The following PMS1 variants were observed in gnomAD, a reference collection of about 807,000 sequenced individuals.
The protein encoded by PMS1 is PMS1 homolog 1, mismatch repair system component.
A neutral mutation model predicts 93.1 loss-of-function variants in PMS1; 79 were observed. The ratio of observed to expected loss-of-function variants is 0.85; its 90% CI spans 0.71 to 1.02. The LOEUF (loss-of-function observed/expected upper bound fraction) is 1.02. PMS1 is among the 50% of genes least tolerant of loss of function. The pLI, the probability that PMS1 is intolerant of heterozygous loss-of-function variation, is 0.00. For missense variants in PMS1, 1,064 were observed against 1,085.3 expected (o/e 0.98, Z 0.28); for synonymous variants, 335 against 363.4 (o/e 0.92, Z 0.89).
At chr2:189,867,241 C>T (rs5743169) in intron 10 of PMS1, among the ~76,000 whole-genome samples, 1 of 152,072 alleles carries the variant, frequency 6.6e-6, no homozygotes, top group African/African-American at 2.4e-5. Flanking sequence ...TGATTTGTAC[C>T]CTAGGTGATC....
Position 189,791,786 on chromosome 2 carries a change from C to CT in PMS1, c.-20-3dup. 6.2e-7 allele frequency: 1 copy of CT among 1,611,856 alleles called. No individual in the cohort carries two copies. Reference sequence around the variant, plus strand: ...TTCTTACAAGTTGCATTTTTATCTTCTAGCTGCTCTGTTAAAAGCGAAAAT... The same window carrying CT: ...TTCTTACAAGTTGCATTTTTATCTTCTTAGCTGCTCTGTTAAAAGCGAAAAT... On this transcript the variant is annotated splice_region_variant and splice_polypyrimidine_tract_variant and intron_variant, in intron 1 of 12. Transcript: ENST00000441310.
At chr2:189,820,344 AC>A (rs1311495844) in intron 5 of PMS1, among the ~76,000 whole-genome samples, 1 of 151,068 alleles carries the variant, frequency 6.6e-6, no homozygotes, top group Non-Finnish European at 1.5e-5. Flanking sequence ...TCGTTCTGTC[AC>A]CCAGGCTGGA....
At position 189,795,904 on chromosome 2, in the gene PMS1, T is replaced by TA. The variant is rs753745201; in HGVS notation, c.269dup (p.Tyr90Ter). The change falls in exon 3 of 13, where the codon TAC becomes TAAC. Residue 90 changes from tyrosine to a stop codon, truncating the protein, a stop_gained and frameshift_variant. Coordinates refer to ENST00000441310, the MANE Select transcript of PMS1 (RefSeq NM_000534.5). LOFTEE classifies it high-confidence loss of function. ...TGAAGATCTTGAAAATTTGACAACT[T>TA]ACGGTTTTCGTGGAGAAGCCTTGGG... Reference protein sequence around the residue: ...SHEDLENLTTYGFRGEALGSI... With the variant: ...SHEDLENLTT 87 of 1,613,472 alleles carry TA rather than the reference T, an allele frequency of 5.4e-5. No homozygotes were observed. The highest frequency in any genetic ancestry group is 7.1e-5 in the Non-Finnish European group (84 of 1,179,548).
chr2:189,787,484 CAATTT>C (rs1281928700), intron 1 of PMS1, among the ~76,000 whole-genome samples: 2 of 151,970 alleles, frequency 1.3e-5, no homozygotes, highest in Admixed American at 6.6e-5. Context: ...TTTAATTATA[CAATTT>C]AATTAATTTA....
intron 1 of PMS1, among the ~76,000 whole-genome samples, chr2:189,791,196 G>A (rs2048833476): frequency 6.6e-6 from 1 of 151,980 alleles, no homozygotes; most frequent in Non-Finnish European, 1.5e-5. Context: ...AATTGTTGAA[G>A]GACTTGCCTT....
rs117304371 is a variant in PMS1 at position 189,846,205 on chromosome 2, C to A, written c.699+2125C>A. 1.7e-3 allele frequency among the ~76,000 whole-genome samples: 258 copies of A among 151,804 alleles called. 7 individuals carry two copies. The East Asian group carries it at 0.05, about 29-fold the overall frequency. Reference sequence around the variant, plus strand: ...CCTGGGCAACATAGTAAGACCCTGTCTCTAAAAATAAAAATGCAAAAATTG... The same window carrying A: ...CCTGGGCAACATAGTAAGACCCTGTATCTAAAAATAAAAATGCAAAAATTG... On this transcript the variant is annotated intron_variant, in intron 6 of 12. Transcript: ENST00000441310.
At chr2:189,856,003 C>T in intron 9 of PMS1, 1 of 250,602 alleles carries the variant, frequency 4.0e-6, no homozygotes, top group Non-Finnish European at 7.1e-6. Context: ...TGGTGATAAA[C>T]TACCTAGATA....
At chr2:189,853,386 C>A (rs988034292) in intron 7 of PMS1, among the ~76,000 whole-genome samples, 1 of 152,052 alleles carries the variant, frequency 6.6e-6, no homozygotes, top group Non-Finnish European at 1.5e-5. Context: ...TTCAGAACTT[C>A]CATGACATTG....
intron 1 of PMS1, among the ~76,000 whole-genome samples, chr2:189,789,535 C>T (rs960948736): frequency 1.3e-5 from 2 of 152,118 alleles, no homozygotes; most frequent in African/African-American, 2.4e-5. Flanking sequence ...TCTCAGAACC[C>T]AATATGTCGG....
chr2:189,794,293 T>C (rs1428885257), intron 2 of PMS1, among the ~76,000 whole-genome samples: 1 of 151,838 alleles, frequency 6.6e-6, no homozygotes, highest in Admixed American at 6.6e-5. Context: ...TTTGTATTTT[T>C]AGTAGTGACC....
intron 5 of PMS1, among the ~76,000 whole-genome samples, chr2:189,823,169 G>A (rs546557383): frequency 4.0e-5 from 6 of 151,582 alleles, no homozygotes; most frequent in East Asian, 1.9e-4. Flanking sequence ...CAAATACCCC[G>A]TTACTCCTAA....
chr2:189,798,116 G>A (rs2049524915), intron 3 of PMS1, among the ~76,000 whole-genome samples: 1 of 152,152 alleles, frequency 6.6e-6, no homozygotes, highest in African/African-American at 2.4e-5. Context: ...TATCCTCATC[G>A]TCACATGGCT....
intron 6 of PMS1, 106 bp from the exon 7 acceptor site, chr2:189,852,549 G>T: frequency 1.0e-6 from 1 of 962,188 alleles, no homozygotes. Flanking sequence ...TAGACCTTAA[G>T]ATGAAAATCT....
chr2:189,824,908 T>C (rs1384416623), intron 5 of PMS1, among the ~76,000 whole-genome samples: 2 of 152,168 alleles, frequency 1.3e-5, no homozygotes, highest in African/African-American at 2.4e-5. Flanking sequence ...CATTGAGTCC[T>C]ACTTTGCTCT....
intron 1 of PMS1, among the ~76,000 whole-genome samples, chr2:189,785,976 T>G (rs1489730002): frequency 6.6e-6 from 1 of 151,914 alleles, no homozygotes; most frequent in Non-Finnish European, 1.5e-5. Context: ...AATACGAAAA[T>G]TAGCCGGGCG....
chr2:189,812,914 T>C (rs1054520499), intron 4 of PMS1, among the ~76,000 whole-genome samples: 10 of 152,210 alleles, frequency 6.6e-5, no homozygotes, highest in Non-Finnish European at 1.5e-5. Context: ...TTTTATATCA[T>C]ACCAGGTAGT....
At chr2:189,866,635 TTAA>T (rs1413418418) in intron 10 of PMS1, among the ~76,000 whole-genome samples, 1 of 152,234 alleles carries the variant, frequency 6.6e-6, no homozygotes, top group Non-Finnish European at 1.5e-5. Context: ...AACAATAACC[TTAA>T]TGATGGCTAA....
chr2:189,825,362 CT>C (rs2052339844), intron 5 of PMS1, among the ~76,000 whole-genome samples: 1 of 152,114 alleles, frequency 6.6e-6, no homozygotes, highest in Admixed American at 6.5e-5. Context: ...ACTACAGAAG[CT>C]TTAGTTGTAA....
At position 189,818,201 on chromosome 2, in the gene PMS1, A is replaced by G. The variant is rs2066458; in HGVS notation, c.582+21A>G. ...ACAAGGTAAACATTATTTTATCTTT[A>G]TAAGTTTCTGGGTATATGATATAAT... On this transcript the variant is annotated intron_variant, in intron 5 of 12. Transcript: ENST00000441310. 176 of 1,477,222 alleles carry G rather than the reference A, an allele frequency of 1.2e-4. 4 individuals are homozygous for G. In the South Asian group the frequency reaches 1.8e-3, roughly 15 times the overall value. The allele number at this position is 1,477,222 out of a possible 1,614,324, so 91.5% of individuals were successfully genotyped here.
Sources: gnomAD v4.1 joint callset for allele counts (sites outside exome capture counted in the v4.1 genomes callset) on GRCh38, gnomAD v4.1.1 for gene constraint, MANE v1.5 for transcripts, NCBI Gene and HGNC (gene_info 2026-07-23, HGNC 2026-07-21) for gene names.